The following PRKG1 variants were observed in gnomAD, a reference collection of about 807,000 sequenced individuals.
PRKG1 encodes protein kinase cGMP-dependent 1.
A neutral mutation model predicts 88.1 loss-of-function variants in PRKG1; 35 were observed. The ratio of observed to expected loss-of-function variants is 0.40; its 90% CI spans 0.30 to 0.53. The LOEUF (loss-of-function observed/expected upper bound fraction) is 0.53. Ranked by LOEUF, PRKG1 falls within the 20% of genes least tolerant of loss-of-function variation. The pLI, the probability that PRKG1 is intolerant of heterozygous loss-of-function variation, is 0.59. For missense variants in PRKG1, 540 were observed against 839.8 expected (o/e 0.64, Z 4.41); for synonymous variants, 303 against 292.5 (o/e 1.04, Z -0.37).
At chr10:52,012,267 G>T (rs1844907646) in intron 5 of PRKG1, among the ~76,000 whole-genome samples, 1 of 141,522 alleles carries the variant, frequency 7.1e-6, no homozygotes, top group South Asian at 2.2e-4. Flanking sequence ...TTTGAGACAG[G>T]GTCTGACTGT....
intron 5 of PRKG1, among the ~76,000 whole-genome samples, chr10:52,033,772 T>G (rs1369724279): frequency 6.6e-6 from 1 of 152,144 alleles, no homozygotes; most frequent in Non-Finnish European, 1.5e-5. Flanking sequence ...CACGTCCGTG[T>G]GAACAGACCA....
At position 51,592,155 on chromosome 10, in the gene PRKG1, A is replaced by AAGG. The variant is rs145885022; in HGVS notation, c.592+124320_592+124322dup. Among the ~76,000 whole-genome samples the AAGG allele has an allele frequency of 2.6e-3, 392 of 152,286 alleles. 1 individual carries two copies. Among genetic ancestry groups the AAGG allele is most frequent in the African/African-American group, 8.9e-3 (372 of 41,576 alleles). ...ATAGATACTTTTTCTCATTTGATTG[A>AAGG]AGGTTATAGATGAAATAAAATAAGG... On this transcript the variant is annotated intron_variant, in intron 3 of 17. Coordinates refer to ENST00000373980, the MANE Select transcript of PRKG1 (RefSeq NM_006258.4).
intron 3 of PRKG1, among the ~76,000 whole-genome samples, chr10:51,684,009 A>G (rs574486004): frequency 6.6e-6 from 1 of 152,302 alleles, no homozygotes; most frequent in African/African-American, 2.4e-5. Context: ...TTCCTATATG[A>G]TGTAGCAATT....
At chr10:52,147,442 AAC>A (rs1197345174) in intron 8 of PRKG1, among the ~76,000 whole-genome samples, 4 of 152,194 alleles carry the variant, frequency 2.6e-5, no homozygotes, top group Non-Finnish European at 4.4e-5. Flanking sequence ...AGAAAACAAA[AAC>A]AGTTTCAGAG....
chr10:51,817,052 C>T (rs1839604922), intron 4 of PRKG1, among the ~76,000 whole-genome samples: 1 of 152,058 alleles, frequency 6.6e-6, no homozygotes, highest in Admixed American at 6.6e-5. Flanking sequence ...ATTTTAATTA[C>T]ACAGAATTCT....
intron 2 of PRKG1, among the ~76,000 whole-genome samples, chr10:51,206,079 A>G (rs974772849): frequency 6.6e-6 from 1 of 152,110 alleles, no homozygotes; most frequent in African/African-American, 2.4e-5. Flanking sequence ...TAGTTTTTCA[A>G]AGTTCTGTTT....
chr10:51,772,843 C>G (rs1838340382), intron 3 of PRKG1, among the ~76,000 whole-genome samples: 1 of 151,906 alleles, frequency 6.6e-6, no homozygotes, highest in East Asian at 1.9e-4. Flanking sequence ...AGATTGATGG[C>G]TAAAACTTCC....
intron 12 of PRKG1, among the ~76,000 whole-genome samples, chr10:52,273,703 A>G (rs901631824): frequency 1.3e-5 from 2 of 152,116 alleles, no homozygotes; most frequent in Non-Finnish European, 2.9e-5. Context: ...TTAAGGTTAA[A>G]AAAGCATAAA....
intron 3 of PRKG1, among the ~76,000 whole-genome samples, chr10:51,608,553 C>T (rs1182422215): frequency 6.6e-6 from 1 of 152,158 alleles, no homozygotes; most frequent in East Asian, 1.9e-4. Flanking sequence ...ATTCTAACAT[C>T]AGTGGTCCTA....
At chr10:52,251,247 C>T (rs1176418927) in intron 9 of PRKG1, among the ~76,000 whole-genome samples, 1 of 152,078 alleles carries the variant, frequency 6.6e-6, no homozygotes, top group Non-Finnish European at 1.5e-5. Flanking sequence ...ACAACTCAAA[C>T]AATCCGTGTT....
chr10:51,703,876 C>T (rs903471235), intron 3 of PRKG1, among the ~76,000 whole-genome samples: 11 of 152,116 alleles, frequency 7.2e-5, no homozygotes, highest in Admixed American at 1.3e-4. Flanking sequence ...CAGTGACTCA[C>T]GCCTGTAATC....
At chr10:52,282,986 G>T (rs564138425) in intron 14 of PRKG1, among the ~76,000 whole-genome samples, 1 of 152,168 alleles carries the variant, frequency 6.6e-6, no homozygotes, top group Admixed American at 6.6e-5. Context: ...TAGATATAGA[G>T]AGCAAGAAAA....
At chr10:52,083,202 T>C (rs1000131491) in intron 7 of PRKG1, among the ~76,000 whole-genome samples, 10 of 152,106 alleles carry the variant, frequency 6.6e-5, no homozygotes, top group African/African-American at 1.9e-4. Flanking sequence ...CTTAATTTGA[T>C]GTTTTTCGTA....
chr10:51,135,832 A>G (rs534264138), intron 1 of PRKG1, among the ~76,000 whole-genome samples: 1 of 152,116 alleles, frequency 6.6e-6, no homozygotes, highest in South Asian at 2.1e-4. Flanking sequence ...TTGGGGGAGC[A>G]GTTTGTAAAA....
intron 2 of PRKG1, among the ~76,000 whole-genome samples, chr10:51,257,165 G>GT (rs1839584146): frequency 4.2e-5 from 6 of 141,620 alleles, no homozygotes; most frequent in Non-Finnish European, 7.5e-5. Flanking sequence ...TTCAGAGAAG[G>GT]GTTTTTTTTT....
At chr10:51,442,527 A>G (rs1459840173) in intron 2 of PRKG1, among the ~76,000 whole-genome samples, 1 of 152,024 alleles carries the variant, frequency 6.6e-6, no homozygotes, top group Admixed American at 6.6e-5. Context: ...GAATTTATCA[A>G]TGACAGTTAA....
At chr10:52,086,407 ATTTTT>A (rs34889827) in intron 7 of PRKG1, among the ~76,000 whole-genome samples, 3 of 140,364 alleles carry the variant, frequency 2.1e-5, no homozygotes, top group Admixed American at 7.1e-5. Context: ...TATAGGTATG[ATTTTT>A]TTTTTTTTTT....
chr10:51,370,919 T>C (rs1404883624), intron 2 of PRKG1, among the ~76,000 whole-genome samples: 1 of 152,120 alleles, frequency 6.6e-6, no homozygotes, highest in Non-Finnish European at 1.5e-5. Flanking sequence ...AAAAACCAGC[T>C]CTACAGTTTG....
intron 3 of PRKG1, among the ~76,000 whole-genome samples, chr10:51,793,094 A>T (rs1838912066): frequency 1.3e-5 from 2 of 151,574 alleles, no homozygotes; most frequent in African/African-American, 4.8e-5. Context: ...GAACTGCCCA[A>T]CAAATAATTC....
Sources: gnomAD v4.1 joint callset for allele counts (sites outside exome capture counted in the v4.1 genomes callset) on GRCh38, gnomAD v4.1.1 for gene constraint, MANE v1.5 for transcripts, NCBI Gene and HGNC (gene_info 2026-07-23, HGNC 2026-07-21) for gene names.